CFAP61: variants seen among roughly 807,000 people sequenced by gnomAD.
CFAP61 encodes cilia and flagella associated protein 61, also known as cilia- and flagella-associated protein 61.
A neutral mutation model predicts 135.6 loss-of-function variants in CFAP61; 107 were observed. The ratio of observed to expected loss-of-function variants is 0.79; its 90% CI spans 0.67 to 0.93. CFAP61 has a LOEUF of 0.93. CFAP61 is among the 40% of genes least tolerant of loss of function. The pLI, the probability that CFAP61 is intolerant of heterozygous loss-of-function variation, is 0.00. For missense variants in CFAP61, 1,507 were observed against 1,556.2 expected, an observed-to-expected ratio of 0.97 and a Z score of 0.53; for synonymous variants, 575 against 578.5, an observed-to-expected ratio of 0.99 and a Z score of 0.09.
rs1260916769 is a variant in CFAP61, at chr20:20,149,337, T to A, written c.951+6389T>A. On this transcript the variant is annotated intron_variant, in intron 9 of 26. Coordinates refer to ENST00000245957, the MANE Select transcript of CFAP61 (RefSeq NM_015585.4). ...AATAAAAACTTAGCAAACTGGAAGATGGCAGATAGGAAACAGGGCTGACAT... is the reference window on the plus strand; with the variant it reads ...AATAAAAACTTAGCAAACTGGAAGAAGGCAGATAGGAAACAGGGCTGACAT... Among the ~76,000 whole-genome samples, 3 of 152,212 alleles carry A rather than the reference T, an allele frequency of 2.0e-5. No homozygotes were observed. The East Asian group carries it at 5.8e-4, about 29-fold the overall frequency.
intron 8 of CFAP61, among the ~76,000 whole-genome samples, chr20:20,110,852 C>G (rs539886912): frequency 2.0e-5 from 3 of 152,308 alleles, no homozygotes; most frequent in African/African-American, 7.2e-5. Context: ...CTTCAGCTCA[C>G]AGGGCTTCTT....
intron 6 of CFAP61, among the ~76,000 whole-genome samples, chr20:20,077,156 C>G (rs771651251): frequency 6.6e-6 from 1 of 152,130 alleles, no homozygotes; most frequent in Non-Finnish European, 1.5e-5. Context: ...CCAAAAAAAC[C>G]CCTCTAAATG....
At chr20:20,132,240 A>G (rs927339744) in intron 8 of CFAP61, among the ~76,000 whole-genome samples, 1 of 152,110 alleles carries the variant, frequency 6.6e-6, no homozygotes, top group Non-Finnish European at 1.5e-5. Flanking sequence ...ATATTGTTAT[A>G]TATTGCAGAT....
At chr20:20,258,842 T>C (rs1359758309) in intron 20 of CFAP61, among the ~76,000 whole-genome samples, 4 of 152,274 alleles carry the variant, frequency 2.6e-5, no homozygotes, top group East Asian at 1.9e-4. Context: ...GTCACTGCCA[T>C]TGGCATCCCC....
At chr20:20,086,340 T>C (rs575000257) in intron 6 of CFAP61, among the ~76,000 whole-genome samples, 2,964 of 102,646 alleles carry the variant, frequency 0.029, 132 homozygotes, top group African/African-American at 0.1. Context: ...CAACAGTCCC[T>C]GGAGTGTGAT....
intron 25 of CFAP61, among the ~76,000 whole-genome samples, chr20:20,313,137 G>C (rs1387507568): frequency 6.6e-6 from 1 of 152,156 alleles, no homozygotes; most frequent in Non-Finnish European, 1.5e-5. Flanking sequence ...TCATAAGGAT[G>C]GGACTCTTAG....
At chr20:20,343,100 G>T (rs897513467) in intron 26 of CFAP61, among the ~76,000 whole-genome samples, 1 of 152,064 alleles carries the variant, frequency 6.6e-6, no homozygotes, top group African/African-American at 2.4e-5. Context: ...CAGGTGATCC[G>T]CCCGCCTCGG....
intron 17 of CFAP61, among the ~76,000 whole-genome samples, chr20:20,201,172 A>G (rs936360764): frequency 1.3e-5 from 2 of 152,208 alleles, no homozygotes; most frequent in African/African-American, 4.8e-5. Flanking sequence ...TATTAGATTT[A>G]ACAGACATAG....
chr20:20,101,653 C>T (rs1218617459), intron 8 of CFAP61, among the ~76,000 whole-genome samples: 7 of 7,258 alleles, frequency 9.6e-4, no homozygotes, highest in African/African-American at 6.1e-3. Context: ...GAGATGAAGG[C>T]CCCCCTCTGT....
At position 20,316,312 on chromosome 20, in the gene CFAP61, G is replaced by C. The variant is rs903076517; in HGVS notation, c.3422+17926G>C. On this transcript the variant is annotated intron_variant, in intron 25 of 26. Transcript: ENST00000245957. ...TTCTCTTTGAAGCAATTGTGAATGGGAGTTCACTCATGATTTGGCTCTCTG... is the reference window on the plus strand; with the variant it reads ...TTCTCTTTGAAGCAATTGTGAATGGCAGTTCACTCATGATTTGGCTCTCTG... 2.9e-3 allele frequency among the ~76,000 whole-genome samples: 434 copies of C among 151,912 alleles called. 3 individuals carry two copies. The highest frequency in any genetic ancestry group is 9.8e-3 in the African/African-American group (405 of 41,362).
In CFAP61 at chr20:20,189,744, G is replaced by A. The variant is rs189591729; in HGVS notation, c.1513-1598G>A. 5.9e-3 allele frequency among the ~76,000 whole-genome samples: 896 copies of A among 152,246 alleles called. 5 individuals carry two copies. Among genetic ancestry groups the A allele is most frequent in the Non-Finnish European group, 8.8e-3 (596 of 68,004 alleles). On this transcript the variant is annotated intron_variant, in intron 14 of 26. Coordinates refer to ENST00000245957, the MANE Select transcript of CFAP61 (RefSeq NM_015585.4). Reference sequence around the variant, plus strand: ...GTGTTGCTGGTGGGAAAGTAGAATGGTGTGGCCACTCTGGAAAATATTTTG... The same window carrying A: ...GTGTTGCTGGTGGGAAAGTAGAATGATGTGGCCACTCTGGAAAATATTTTG...
At chr20:20,219,251 A>T (rs891369193) in intron 17 of CFAP61, among the ~76,000 whole-genome samples, 1 of 152,186 alleles carries the variant, frequency 6.6e-6, no homozygotes, top group African/African-American at 2.4e-5. Flanking sequence ...ATGAATTGCT[A>T]ATAAAAGTCA....
intron 17 of CFAP61, among the ~76,000 whole-genome samples, chr20:20,217,205 C>G (rs750923918): frequency 6.6e-6 from 1 of 152,136 alleles, no homozygotes; most frequent in African/African-American, 2.4e-5. Flanking sequence ...AAAAGCCCAG[C>G]GAGCCTTTTG....
At chr20:20,240,953 A>C (rs2049979028) in intron 18 of CFAP61, among the ~76,000 whole-genome samples, 1 of 152,178 alleles carries the variant, frequency 6.6e-6, no homozygotes, top group Non-Finnish European at 1.5e-5. Context: ...GAAAATGGAA[A>C]TCACACATGG....
chr20:20,272,019 T>C (rs984324646), intron 21 of CFAP61, among the ~76,000 whole-genome samples: 1 of 152,232 alleles, frequency 6.6e-6, no homozygotes, highest in Non-Finnish European at 1.5e-5. Flanking sequence ...CCATGAGTTA[T>C]AAAGTACACA....
intron 8 of CFAP61, among the ~76,000 whole-genome samples, chr20:20,137,914 C>T (rs1188808381): frequency 6.6e-6 from 1 of 152,204 alleles, no homozygotes; most frequent in East Asian, 1.9e-4. Flanking sequence ...GCGAGTACTA[C>T]CTGGCTACTG....
chr20:20,277,198 A>G lies in CFAP61; in HGVS notation c.2536A>G (p.Thr846Ala). The change falls in exon 22 of 27, where the codon ACT becomes GCT. Residue 846 changes from threonine (T) to alanine (A), a missense_variant. By Grantham distance (58) the Thr-to-Ala change is moderately conservative. Transcript: ENST00000245957. ...CATTGTCTATGGGAATACAATTGAT[A>G]CTTACACCACCGTGGAGACGCTCTT... ...NIIVYGNTIDTYTTVETLLNL... is the reference protein window; with the variant it reads ...NIIVYGNTIDAYTTVETLLNL... 6.2e-7 allele frequency: 1 copy of G among 1,613,084 alleles called. No individual in the cohort carries two copies. Among genetic ancestry groups the G allele is most frequent in the Non-Finnish European group, 8.5e-7 (1 of 1,179,458 alleles).
At position 20,263,048 on chromosome 20, in the gene CFAP61, T is replaced by C; in HGVS notation, c.2421T>C (p.Pro807=). 1 of 1,614,154 alleles carries C rather than the reference T, an allele frequency of 6.2e-7. No individual in the cohort carries two copies. Among genetic ancestry groups the C allele is most frequent in the East Asian group, 2.2e-5 (1 of 44,884 alleles). Residue 807 remains proline (P), a synonymous_variant, in exon 21 of 27, where the codon CCT becomes CCC. Transcript: ENST00000245957. ...SSQRRYTGKV[P]CNHFTLNEEE... ...AGCGGCGGTACACGGGGAAAGTTCC[T>C]TGCAACCATTTCACTCTCAACGAGG... is the stretch of plus-strand genomic sequence containing the variant.
intron 8 of CFAP61, among the ~76,000 whole-genome samples, chr20:20,101,603 CTTTAT>C (rs2048026437): frequency 6.6e-6 from 1 of 151,312 alleles, no homozygotes; most frequent in Admixed American, 6.6e-5. Flanking sequence ...AGTTTTTTCA[CTTTAT>C]TTTTATTTTT....
Sources: allele counts gnomAD v4.1 joint callset (sites outside exome capture counted in the v4.1 genomes callset), GRCh38; gene constraint gnomAD v4.1.1; transcripts MANE v1.5; gene names NCBI Gene and HGNC (gene_info 2026-07-23, HGNC 2026-07-21).